The following PARP16 variants were observed in gnomAD, a reference collection of about 807,000 sequenced individuals.
PARP16 encodes poly(ADP-ribose) polymerase family member 16.
Under a neutral mutation model 35.0 loss-of-function variants are expected in PARP16, and 31 were observed. The observed-to-expected ratio is 0.88, with a 90% CI of 0.66 to 1.19. The LOEUF (loss-of-function observed/expected upper bound fraction) is 1.19, where lower values mean the gene tolerates loss of function less well. Ranked by LOEUF, PARP16 falls within the 50% of genes most tolerant of loss-of-function variation. The pLI, the probability that PARP16 is intolerant of heterozygous loss-of-function variation, is 0.00. For missense variants in PARP16, 424 were observed against 411.2 expected, an observed-to-expected ratio of 1.03 and a Z score of -0.27; for synonymous variants, 162 against 169.5, an observed-to-expected ratio of 0.96 and a Z score of 0.34.
At chr15:65,239,265 A>G (rs1380010046) in intron 3 of PARP16, among the ~76,000 whole-genome samples, 1 of 151,424 alleles carries the variant, frequency 6.6e-6, no homozygotes, top group East Asian at 1.9e-4. Context: ...GGTCTCTACT[A>G]AAAATACAAA....
chr15:65,286,138 G>A, intron 1 of PARP16, 115 bp downstream of exon 1: 8 of 855,970 alleles, frequency 9.3e-6, no homozygotes, highest in Non-Finnish European at 1.4e-5. Context: ...AGCTGGGAAT[G>A]GAAAGTCTGG....
chr15:65,267,836 C>T (rs183435954), intron 2 of PARP16, among the ~76,000 whole-genome samples: 108 of 151,166 alleles, frequency 7.1e-4, no homozygotes, highest in Admixed American at 1.5e-3. Flanking sequence ...ATTACAAGTG[C>T]GTGCCACCAC....
At chr15:65,267,677 A>ATTTTTTTTT (rs2089948524) in intron 2 of PARP16, among the ~76,000 whole-genome samples, 1 of 90,368 alleles carries the variant, frequency 1.1e-5, no homozygotes, top group African/African-American at 4.2e-5. Flanking sequence ...AATTTTCCTA[A>ATTTTTTTTT]CTTTTTTTTT....
chr15:65,284,843 A>T (rs1595728046), intron 1 of PARP16, among the ~76,000 whole-genome samples: 1 of 107,840 alleles, frequency 9.3e-6, no homozygotes, highest in Non-Finnish European at 1.8e-5. Context: ...TTTGAGAGAG[A>T]GACTTGCTGT....
intron 3 of PARP16, among the ~76,000 whole-genome samples, chr15:65,241,627 T>C (rs968067778): frequency 6.6e-6 from 1 of 152,220 alleles, no homozygotes; most frequent in South Asian, 2.1e-4. Context: ...ATGTGCTTAT[T>C]TGCAATTTGT....
In PARP16 at chr15:65,266,761, T is replaced by A. The variant is rs773670733; in HGVS notation, c.320A>T (p.Lys107Met). Residue 107 changes from lysine (K) to methionine (M), a missense_variant, in exon 3 of 6, where the codon AAG becomes ATG. Transcript: ENST00000649807. ...IHSAGKAEFEKIQKLTGAPHT... is the reference protein window; with the variant it reads ...IHSAGKAEFEMIQKLTGAPHT... ...AGGAGCCCCAGTCAGCTTTTGGATC[T>A]TTTCAAACTTGAAAACATGAAGAGC... The A allele has an allele frequency of 6.2e-7, 1 of 1,612,650 alleles. No homozygotes were observed. Among genetic ancestry groups the A allele is most frequent in the South Asian group, 1.1e-5 (1 of 90,958 alleles).
At chr15:65,261,358 A>C (rs2089708032) in intron 4 of PARP16, among the ~76,000 whole-genome samples, 1 of 150,472 alleles carries the variant, frequency 6.6e-6, no homozygotes, top group African/African-American at 2.4e-5. Flanking sequence ...ACTTGATCTG[A>C]AAACGCCTCT....
chr15:65,244,542 G>A (rs1311748335), intron 3 of PARP16, among the ~76,000 whole-genome samples: 2 of 152,074 alleles, frequency 1.3e-5, no homozygotes, highest in Admixed American at 6.5e-5. Flanking sequence ...GGAAAGACCC[G>A]CCCCCATGAC....
rs1052649204 is a variant in PARP16, at chr15:65,247,997, G to A, written c.*97+120C>T. ...TTTTCTGTATTTTTAGTAGAGGTGG[G>A]GTTTCACCGTGTTAGCCAGGATGGT... On this transcript the variant is annotated intron_variant and NMD_transcript_variant, in intron 3 of 3. Coordinates refer to the PARP16 transcript ENST00000559805. 9 of 344,022 alleles carry A rather than the reference G, an allele frequency of 2.6e-5. 1 individual carries two copies. Among genetic ancestry groups the A allele is most frequent in the South Asian group, 2.0e-4 (9 of 44,394 alleles). 21.3% of individuals were successfully genotyped at this position (344,022 alleles called of 1,614,324 possible). A position where few individuals can be genotyped will look rare whatever the true frequency, so the allele number is the denominator to read the frequency against.
At chr15:65,240,355 T>TGTGC (rs1193071614) in intron 3 of PARP16, among the ~76,000 whole-genome samples, 5 of 148,962 alleles carry the variant, frequency 3.4e-5, no homozygotes, top group African/African-American at 1.2e-4. Context: ...TGTGTGTGTG[T>TGTGC]GTGTGTGTTG....
At chr15:65,276,702 A>G (rs1036550465) in intron 1 of PARP16, among the ~76,000 whole-genome samples, 1 of 151,940 alleles carries the variant, frequency 6.6e-6, no homozygotes, top group Non-Finnish European at 1.5e-5. Flanking sequence ...CCCATGCAAT[A>G]TTTGGGACAT....
intron 2 of PARP16, chr15:65,248,338 G>A: frequency 2.2e-6 from 1 of 453,390 alleles, no homozygotes; most frequent in Non-Finnish European, 4.4e-6. Flanking sequence ...AGGCATATGT[G>A]CTTTCAGAGG....
At chr15:65,275,915 CTG>C (rs2090239451) in intron 1 of PARP16, among the ~76,000 whole-genome samples, 2 of 152,190 alleles carry the variant, frequency 1.3e-5, no homozygotes, top group Non-Finnish European at 2.9e-5. Flanking sequence ...CAAATCCCAC[CTG>C]TGAGTCACAG....
At chr15:65,267,602 G>A (rs1455179394) in intron 2 of PARP16, among the ~76,000 whole-genome samples, 7 of 127,408 alleles carry the variant, frequency 5.5e-5, no homozygotes, top group African/African-American at 1.4e-4. Context: ...GCGAGACTCC[G>A]TCTCAAAAAA....
In PARP16 at chr15:65,263,169, T is replaced by C; in HGVS notation, c.671A>G (p.Lys224Arg). 1 of 1,614,036 alleles carries C rather than the reference T, an allele frequency of 6.2e-7. No individual in the cohort carries two copies. Among genetic ancestry groups the C allele is most frequent in the South Asian group, 1.1e-5 (1 of 91,048 alleles). The stretch of plus-strand genomic sequence containing the variant: ...CTCACCCTTCTTCTTGGTTTGGCAC[T>C]TGACGTCCGGATGGTCAATGACCTC... ...VCEVIDHPDV[K>R]CQTKKKDSKE... The change falls in exon 4 of 6, where the codon AAG (lysine) becomes AGG (arginine). Residue 224 changes from lysine (K) to arginine (R), a missense_variant. Coordinates refer to ENST00000649807, the MANE Select transcript of PARP16 (RefSeq NM_001316943.2).
At position 65,285,461 on chromosome 15, in the gene PARP16, G is replaced by A. The variant is rs140653474; in HGVS notation, c.174+792C>T. 3.1e-3 allele frequency: 1,118 copies of A among 364,988 alleles called. 11 individuals carry two copies. The highest frequency in any genetic ancestry group is 9.9e-3 in the Middle Eastern group (12 of 1,210). The allele number at this position is 364,988 out of a possible 1,614,324, so 22.6% of individuals were successfully genotyped here. A position where few individuals can be genotyped will look rare whatever the true frequency, so the allele number is the denominator to read the frequency against. On this transcript the variant is annotated intron_variant, in intron 1 of 5. Coordinates refer to ENST00000649807, the MANE Select transcript of PARP16 (RefSeq NM_001316943.2). ...GCCCCTCCAAGTTTTTAACAGTGAAGAATGTTACTTGTGCAAGTCAGAATC... is the reference window on the plus strand; with the variant it reads ...GCCCCTCCAAGTTTTTAACAGTGAAAAATGTTACTTGTGCAAGTCAGAATC...
At chr15:65,263,506 C>T (rs2089803783) in intron 3 of PARP16, among the ~76,000 whole-genome samples, 186 bp from the exon 4 acceptor site, 1 of 152,180 alleles carries the variant, frequency 6.6e-6, no homozygotes, top group African/African-American at 2.4e-5. Flanking sequence ...TAAACACATT[C>T]CTGCCTGACA....
chr15:65,243,322 G>C (rs996660262), intron 3 of PARP16, among the ~76,000 whole-genome samples: 2 of 152,036 alleles, frequency 1.3e-5, no homozygotes, highest in Admixed American at 1.3e-4. Flanking sequence ...CGCAATCTCA[G>C]CTCTGCAACC....
At chr15:65,248,705 C>T (rs1193223521) in intron 2 of PARP16, among the ~76,000 whole-genome samples, 1 of 152,198 alleles carries the variant, frequency 6.6e-6, no homozygotes, top group Non-Finnish European at 1.5e-5. Context: ...CTGGATCCCA[C>T]ACTGTCTGCC....
Sources: gnomAD v4.1 joint callset for allele counts (sites outside exome capture counted in the v4.1 genomes callset) on GRCh38, gnomAD v4.1.1 for gene constraint, MANE v1.5 for transcripts, NCBI Gene and HGNC (gene_info 2026-07-23, HGNC 2026-07-21) for gene names.